NCALD: variants seen among roughly 807,000 people sequenced by gnomAD.
NCALD encodes neurocalcin-delta.
A neutral mutation model predicts 18.6 loss-of-function variants in NCALD; 10 were observed. That is an observed-to-expected ratio of 0.54 (90% confidence interval 0.33 to 0.91). The LOEUF (loss-of-function observed/expected upper bound fraction) is 0.91, where lower values mean the gene tolerates loss of function less well. Ranked by LOEUF, NCALD falls within the 40% of genes least tolerant of loss-of-function variation. NCALD has a pLI of 0.03. For missense variants in NCALD, 184 were observed against 247.6 expected, an observed-to-expected ratio of 0.74 and a Z score of 1.72; for synonymous variants, 88 against 87.4, an observed-to-expected ratio of 1.01 and a Z score of -0.04.
intron 1 of NCALD, among the ~76,000 whole-genome samples, chr8:101,743,753 G>T (rs1027933236): frequency 6.6e-6 from 1 of 152,186 alleles, no homozygotes; most frequent in African/African-American, 2.4e-5. Context: ...ACAGATATCA[G>T]AATCGAATTA....
At chr8:101,816,762 TACA>T (rs1300855968) in intron 4 of NCALD, among the ~76,000 whole-genome samples, 1 of 152,168 alleles carries the variant, frequency 6.6e-6, no homozygotes, top group East Asian at 1.9e-4. Flanking sequence ...CCATAGAATG[TACA>T]ACACCAGGGG....
intron 3 of NCALD, among the ~76,000 whole-genome samples, chr8:101,912,558 G>A (rs1817839172): frequency 6.6e-6 from 1 of 152,206 alleles, no homozygotes; most frequent in African/African-American, 2.4e-5. Context: ...CAACTTTGTT[G>A]GGGGCAAGAG....
intron 2 of NCALD, among the ~76,000 whole-genome samples, chr8:102,003,590 G>T (rs1415152876): frequency 6.6e-6 from 1 of 152,172 alleles, no homozygotes; most frequent in Non-Finnish European, 1.5e-5. Flanking sequence ...GAGAATTTTA[G>T]ACCAATATCC....
intron 2 of NCALD, among the ~76,000 whole-genome samples, chr8:101,982,885 G>A (rs914956191): frequency 1.3e-5 from 2 of 151,688 alleles, no homozygotes; most frequent in African/African-American, 4.8e-5. Flanking sequence ...TGTAACATAT[G>A]TTCTGTGACC....
intron 2 of NCALD, among the ~76,000 whole-genome samples, chr8:101,934,363 T>TAC (rs906199200): frequency 6.6e-6 from 1 of 152,030 alleles, no homozygotes; most frequent in Non-Finnish European, 1.5e-5. Flanking sequence ...GAATTCCAGG[T>TAC]ACACGAAATA....
intron 2 of NCALD, among the ~76,000 whole-genome samples, chr8:101,951,557 G>A (rs1469406222): frequency 6.6e-6 from 1 of 152,162 alleles, no homozygotes; most frequent in Non-Finnish European, 1.5e-5. Context: ...TGGGTTTGAC[G>A]AGGCCCCGTG....
intron 1 of NCALD, among the ~76,000 whole-genome samples, chr8:102,116,257 TAAACAA>T (rs1239513878): frequency 2.1e-4 from 32 of 149,070 alleles, no homozygotes; most frequent in South Asian, 8.5e-4. Context: ...TAAAGTATAA[TAAACAA>T]AAACAAAAAC....
intron 4 of NCALD, among the ~76,000 whole-genome samples, chr8:101,804,666 CATATA>C (rs1456316991): frequency 2.1e-4 from 23 of 111,378 alleles, no homozygotes; most frequent in Admixed American, 6.4e-4. Flanking sequence ...ATATAATTAT[CATATA>C]ATATAATTAA....
At chr8:102,084,905 CG>C (rs1824685650) in intron 1 of NCALD, among the ~76,000 whole-genome samples, 2 of 152,128 alleles carry the variant, frequency 1.3e-5, no homozygotes, top group African/African-American at 2.4e-5. Flanking sequence ...CTGACTTTCC[CG>C]GTTGGGTTGG....
At chr8:101,932,631 G>GA (rs986564797) in intron 2 of NCALD, among the ~76,000 whole-genome samples, 2 of 151,988 alleles carry the variant, frequency 1.3e-5, no homozygotes, top group African/African-American at 4.8e-5. Flanking sequence ...AGAAAAAAAA[G>GA]AAAGAAGCAA....
At chr8:102,088,558 A>G (rs533405225) in intron 1 of NCALD, among the ~76,000 whole-genome samples, 3 of 149,586 alleles carry the variant, frequency 2.0e-5, no homozygotes, top group Non-Finnish European at 4.5e-5. Context: ...TTTCGGGGAA[A>G]AAAAAAAAAA....
intron 4 of NCALD, among the ~76,000 whole-genome samples, chr8:101,813,429 G>A (rs973045560): frequency 6.6e-6 from 1 of 152,056 alleles, no homozygotes; most frequent in African/African-American, 2.4e-5. Context: ...GCTTAGGGAG[G>A]GTTTTGTAAG....
intron 4 of NCALD, among the ~76,000 whole-genome samples, chr8:101,823,018 G>A (rs989934177): frequency 1.1e-4 from 16 of 152,066 alleles, no homozygotes; most frequent in African/African-American, 2.9e-4. Flanking sequence ...AATCATATTC[G>A]ACCCAAGCAA....
chr8:101,982,730 A>AC (rs1276445636), intron 2 of NCALD, among the ~76,000 whole-genome samples: 1 of 152,038 alleles, frequency 6.6e-6, no homozygotes, highest in African/African-American at 2.4e-5. Flanking sequence ...AGTCCCAGCT[A>AC]CTTGGGAGAC....
At chr8:101,810,492 TC>T (rs1343612981) in intron 4 of NCALD, among the ~76,000 whole-genome samples, 1 of 152,194 alleles carries the variant, frequency 6.6e-6, no homozygotes, top group African/African-American at 2.4e-5. Context: ...TTTTTCTGCT[TC>T]CACTCAATTC....
chr8:102,036,126 A>AAAATAAAT (rs1554583477), intron 1 of NCALD, among the ~76,000 whole-genome samples: 1,988 of 148,974 alleles, frequency 0.013, 53 homozygotes, highest in African/African-American at 0.046. Context: ...CATCTCTACA[A>AAAATAAAT]AAATAAATAA....
At chr8:101,909,561 T>C (rs947379801) in intron 3 of NCALD, among the ~76,000 whole-genome samples, 3 of 152,208 alleles carry the variant, frequency 2.0e-5, no homozygotes, top group African/African-American at 7.2e-5. Flanking sequence ...AATTATCTCA[T>C]ATACTATCTC....
At chr8:102,037,946 A>G (rs1219341497) in intron 1 of NCALD, among the ~76,000 whole-genome samples, 3 of 152,326 alleles carry the variant, frequency 2.0e-5, no homozygotes, top group South Asian at 2.1e-4. Context: ...TATTATTTCA[A>G]TACCAGAGGT....
At chr8:102,090,647 T>C (rs909747188) in intron 1 of NCALD, among the ~76,000 whole-genome samples, 3 of 152,148 alleles carry the variant, frequency 2.0e-5, no homozygotes, top group African/African-American at 4.8e-5. Context: ...CAAGAAAACT[T>C]TTCTTTTGAG....
Sources: allele counts gnomAD v4.1 joint callset (sites outside exome capture counted in the v4.1 genomes callset), GRCh38; gene constraint gnomAD v4.1.1; transcripts MANE v1.5; gene names NCBI Gene and HGNC (gene_info 2026-07-23, HGNC 2026-07-21).